The following NT5C2 variants were observed in gnomAD, a reference collection of about 807,000 sequenced individuals.
NT5C2 encodes 5'-nucleotidase, cytosolic II.
NT5C2 carries 58 observed loss-of-function variants against 76.1 expected under a neutral mutation model. The ratio of observed to expected loss-of-function variants is 0.76; its 90% confidence interval spans 0.62 to 0.95. The LOEUF (loss-of-function observed/expected upper bound fraction) is 0.95, where lower values mean the gene tolerates loss of function less well. NT5C2 is among the 40% of genes least tolerant of loss of function. The probability of loss-of-function intolerance (pLI) is 0.00; values close to 1 mark genes in which losing one functional copy is unlikely to be tolerated. For synonymous variants in NT5C2, 229 were observed against 237.4 expected (o/e 0.96, Z 0.32); for missense variants, 478 against 690.3 (o/e 0.69, Z 3.45).
At chr10:103,130,929 A>G (rs2078051427) in intron 4 of NT5C2, among the ~76,000 whole-genome samples, 3 of 152,230 alleles carry the variant, frequency 2.0e-5, no homozygotes, top group East Asian at 1.9e-4. Flanking sequence ...AAATATCTCA[A>G]TTTGCCAAGA....
intron 4 of NT5C2, among the ~76,000 whole-genome samples, chr10:103,135,210 G>T (rs2078951815): frequency 1.3e-5 from 2 of 152,212 alleles, no homozygotes; most frequent in Non-Finnish European, 2.9e-5. Flanking sequence ...GGGGCAGAAT[G>T]ATATGGTTTG....
In NT5C2 at chr10:103,088,983, GGTT is replaced by G. The variant is rs2066053527; in HGVS notation, c.*686_*688del. The G allele has an allele frequency of 4.8e-6, 1 of 209,014 alleles. No individual in the cohort carries two copies. The highest frequency in any genetic ancestry group is 2.3e-5 in the African/African-American group (1 of 43,962). 12.9% of individuals were successfully genotyped at this position (209,014 alleles called of 1,614,324 possible). ...ATAGATTTATCACAGATAAGAAGGA[GGTT>G]GTTTTTGGATAACAAATAAGCATTT... On this transcript the variant is annotated 3_prime_UTR_variant, in exon 19 of 19. Transcript: ENST00000404739.
chr10:103,130,904 A>G (rs759245315), intron 4 of NT5C2, among the ~76,000 whole-genome samples: 3 of 152,198 alleles, frequency 2.0e-5, no homozygotes, highest in African/African-American at 4.8e-5. Flanking sequence ...GACCAAAAAC[A>G]GAGTTTCCTT....
intron 3 of NT5C2, among the ~76,000 whole-genome samples, chr10:103,148,612 A>AG (rs1172056179): frequency 6.6e-6 from 1 of 152,114 alleles, no homozygotes; most frequent in Non-Finnish European, 1.5e-5. Context: ...TCAAAAAAAA[A>AG]AAAAAAGAAC....
intron 4 of NT5C2, among the ~76,000 whole-genome samples, chr10:103,130,177 G>A (rs921983703): frequency 7.9e-5 from 12 of 151,798 alleles, no homozygotes; most frequent in African/African-American, 2.7e-4. Flanking sequence ...GAAAGAAGTA[G>A]ACATGGGAGA....
intron 3 of NT5C2, among the ~76,000 whole-genome samples, chr10:103,157,191 C>T (rs2083595310): frequency 6.6e-6 from 1 of 151,146 alleles, no homozygotes; most frequent in Non-Finnish European, 1.5e-5. Flanking sequence ...AACAAATGAA[C>T]CTAATTATAC....
chr10:103,159,947 T>C (rs941140999), intron 3 of NT5C2, among the ~76,000 whole-genome samples: 4 of 152,144 alleles, frequency 2.6e-5, no homozygotes, highest in African/African-American at 9.7e-5. Context: ...GGCACCAGAA[T>C]AGCCAAAACA....
intron 1 of NT5C2, among the ~76,000 whole-genome samples, chr10:103,187,785 A>G (rs941467320): frequency 6.6e-6 from 1 of 152,164 alleles, no homozygotes; most frequent in Non-Finnish European, 1.5e-5. Flanking sequence ...TTCTAATATG[A>G]CTGCTATAAA....
At chr10:103,113,770 C>A (rs760498256) in intron 4 of NT5C2, among the ~76,000 whole-genome samples, 7 of 152,116 alleles carry the variant, frequency 4.6e-5, no homozygotes, top group Non-Finnish European at 1.0e-4. Context: ...AAAAGAGGAC[C>A]AATCAATCCA....
chr10:103,183,278 T>TG (rs2091474864), intron 1 of NT5C2, among the ~76,000 whole-genome samples: 1 of 134,884 alleles, frequency 7.4e-6, no homozygotes, highest in Non-Finnish European at 1.6e-5. Context: ...TATATATATA[T>TG]ATATATATAT....
At chr10:103,103,232 T>G (rs1254171379) in intron 6 of NT5C2, among the ~76,000 whole-genome samples, 3 of 152,196 alleles carry the variant, frequency 2.0e-5, no homozygotes, top group Non-Finnish European at 4.4e-5. Flanking sequence ...TGGCATAAAC[T>G]CTAGTTAGAC....
chr10:103,187,551 T>TAA (rs769511019), intron 1 of NT5C2, among the ~76,000 whole-genome samples: 62 of 85,670 alleles, frequency 7.2e-4, no homozygotes, highest in Middle Eastern at 0.014. Context: ...GAATCCATCT[T>TAA]AAAAAAAAAA....
intron 6 of NT5C2, among the ~76,000 whole-genome samples, chr10:103,103,863 TA>T (rs2070454004): frequency 6.6e-6 from 1 of 152,196 alleles, no homozygotes; most frequent in African/African-American, 2.4e-5. Flanking sequence ...AATTTATTTT[TA>T]TTTTTTTGAG....
intron 3 of NT5C2, among the ~76,000 whole-genome samples, chr10:103,149,403 T>C (rs1186079589): frequency 1.3e-5 from 2 of 152,194 alleles, no homozygotes; most frequent in Non-Finnish European, 2.9e-5. Context: ...ACCTTCATTC[T>C]CAAATGAAGA....
chr10:103,177,225 C>T (rs1214151785), intron 2 of NT5C2, among the ~76,000 whole-genome samples: 1 of 152,016 alleles, frequency 6.6e-6, no homozygotes, highest in Admixed American at 6.6e-5. Context: ...AGACTATGAA[C>T]AAAAAGAAGG....
At chr10:103,091,532 G>A (rs2066886168) in intron 16 of NT5C2, 32 bp downstream of exon 16, 2 of 1,556,882 alleles carry the variant, frequency 1.3e-6, no homozygotes, top group Non-Finnish European at 8.8e-7. Context: ...TCCTGAGTAA[G>A]TTTTTGGGAA....
chr10:103,110,523 T>G (rs1299810198), intron 4 of NT5C2, among the ~76,000 whole-genome samples: 1 of 152,098 alleles, frequency 6.6e-6, no homozygotes, highest in East Asian at 1.9e-4. Context: ...AGTGAATTTC[T>G]AGATTACATA....
chr10:103,146,415 T>C, intron 3 of NT5C2: 1 of 985,424 alleles, frequency 1.0e-6, no homozygotes, highest in Non-Finnish European at 1.2e-6. Context: ...AAAATCTTCT[T>C]GGGCATCTGT....
intron 3 of NT5C2, among the ~76,000 whole-genome samples, chr10:103,149,734 C>G (rs2082084636): frequency 6.6e-6 from 1 of 151,844 alleles, no homozygotes; most frequent in Non-Finnish European, 1.5e-5. Context: ...TCCATGTTAG[C>G]TAAGTCCAAA....
Sources: gnomAD v4.1 joint callset for allele counts (sites outside exome capture counted in the v4.1 genomes callset) on GRCh38, gnomAD v4.1.1 for gene constraint, MANE v1.5 for transcripts, NCBI Gene and HGNC (gene_info 2026-07-23, HGNC 2026-07-21) for gene names.